RBM19: variants seen among roughly 807,000 people sequenced by gnomAD.
RBM19 encodes RNA binding motif protein 19.
In RBM19, 94 loss-of-function variants were observed where a neutral mutation model predicts 116.8. The ratio of observed to expected loss-of-function variants is 0.80; its 90% confidence interval spans 0.68 to 0.95. RBM19 has a LOEUF of 0.95. Among genes scored for constraint, RBM19 ranks in the 40% least tolerant of loss-of-function variants. The pLI is 0.00. For synonymous variants in RBM19, 475 were observed against 494.1 expected, an observed-to-expected ratio of 0.96 and a Z score of 0.51; for missense variants, 1,161 against 1,220.7, an observed-to-expected ratio of 0.95 and a Z score of 0.73.
intron 21 of RBM19, among the ~76,000 whole-genome samples, chr12:113,895,283 GGA>G (rs1186569137): frequency 1.3e-5 from 2 of 152,176 alleles, no homozygotes; most frequent in Non-Finnish European, 2.9e-5. Flanking sequence ...TGGTTGGGCG[GGA>G]GAGAGTGTGT....
chr12:113,918,343 C>T (rs760023925), intron 20 of RBM19, 49 bp downstream of exon 20: 1 of 1,602,942 alleles, frequency 6.2e-7, no homozygotes, highest in Non-Finnish European at 8.5e-7. Flanking sequence ...GCACCAAGCA[C>T]AGGAAGCCCC....
At chr12:113,830,747 A>AT (rs1481257038) in intron 23 of RBM19, among the ~76,000 whole-genome samples, 1 of 152,220 alleles carries the variant, frequency 6.6e-6, no homozygotes, top group Non-Finnish European at 1.5e-5. Context: ...GTGGGAAGGC[A>AT]TCCCCTACTC....
At position 113,955,166 on chromosome 12, in the gene RBM19, C is replaced by T. The variant is rs1409746316; in HGVS notation, c.886G>A (p.Val296Met). ...TTGAACGGGGCTCCCCGCAGCTTCA[C>T]GGTGTGGCAGGTGGTGGGTTCCTTC... ...NQKEPTTCHT[V>M]KLRGAPFNVT... The change falls in exon 7 of 24, where the codon GTG (valine) becomes ATG (methionine). Residue 296 changes from valine to methionine, a missense_variant. Val to Met is a conservative substitution (Grantham distance 21). Coordinates refer to ENST00000261741, the MANE Select transcript of RBM19 (RefSeq NM_016196.4). The T allele has an allele frequency of 1.1e-5, 18 of 1,614,054 alleles. No individual in the cohort carries two copies. The highest frequency in any genetic ancestry group is 5.0e-5 in the Admixed American group (3 of 60,008).
intron 13 of RBM19, among the ~76,000 whole-genome samples, chr12:113,945,558 G>A (rs1365494003): frequency 6.6e-6 from 1 of 152,212 alleles, no homozygotes; most frequent in Non-Finnish European, 1.5e-5. Context: ...CTAATTCTCA[G>A]GAATGTCACC....
At chr12:113,838,397 G>A (rs1321923389) in intron 23 of RBM19, among the ~76,000 whole-genome samples, 1 of 151,976 alleles carries the variant, frequency 6.6e-6, no homozygotes. Flanking sequence ...CAAACTCCAT[G>A]GGGAGAACAC....
At chr12:113,945,315 C>T (rs1405126437) in intron 13 of RBM19, among the ~76,000 whole-genome samples, 1 of 152,178 alleles carries the variant, frequency 6.6e-6, no homozygotes, top group Non-Finnish European at 1.5e-5. Context: ...CGGAACCCAG[C>T]GACCCCCTCC....
At chr12:113,907,551 G>T (rs1483381117) in intron 21 of RBM19, among the ~76,000 whole-genome samples, 3 of 152,230 alleles carry the variant, frequency 2.0e-5, no homozygotes. Flanking sequence ...AGGAAAACAG[G>T]GCAGAGTGGG....
chr12:113,879,405 T>C (rs1053894578), intron 21 of RBM19, among the ~76,000 whole-genome samples: 1 of 142,764 alleles, frequency 7.0e-6, no homozygotes, highest in Non-Finnish European at 1.5e-5. Flanking sequence ...CATACTCTTT[T>C]CTGTAAAAAT....
intron 21 of RBM19, among the ~76,000 whole-genome samples, chr12:113,889,811 G>A (rs1364881757): frequency 6.6e-6 from 1 of 151,794 alleles, no homozygotes; most frequent in Non-Finnish European, 1.5e-5. Context: ...CATGTGGAAC[G>A]ATTTATTTTA....
chr12:113,859,034 A>G (rs1487214279), intron 21 of RBM19, 138 bp from the exon 22 acceptor site: 1 of 728,260 alleles, frequency 1.4e-6, no homozygotes. Flanking sequence ...ACGCTCACAC[A>G]TGTCAGCTCA....
chr12:113,845,332 C>T (rs981414202), intron 22 of RBM19, among the ~76,000 whole-genome samples: 7 of 152,148 alleles, frequency 4.6e-5, no homozygotes, highest in Non-Finnish European at 8.8e-5. Flanking sequence ...TCCCAACTCC[C>T]GCTCCCAGCT....
chr12:113,923,321 C>T (rs1249245825), intron 18 of RBM19, among the ~76,000 whole-genome samples: 1 of 152,112 alleles, frequency 6.6e-6, no homozygotes, highest in Non-Finnish European at 1.5e-5. Flanking sequence ...AACAGACCTT[C>T]CCTCGCAGCC....
chr12:113,854,183 T>G (rs567067509), intron 22 of RBM19, among the ~76,000 whole-genome samples: 1 of 152,144 alleles, frequency 6.6e-6, no homozygotes, highest in East Asian at 1.9e-4. Context: ...TCAAATGGCC[T>G]CCTACCACCT....
intron 11 of RBM19, 151 bp from the exon 12 acceptor site, chr12:113,946,626 C>T: frequency 1.0e-6 from 1 of 954,684 alleles, no homozygotes; most frequent in African/African-American, 1.6e-5. Flanking sequence ...AGAACGTGGC[C>T]ACTCTCTTCC....
intron 21 of RBM19, among the ~76,000 whole-genome samples, chr12:113,882,289 C>T (rs952421868): frequency 6.6e-6 from 1 of 152,178 alleles, no homozygotes. Context: ...TCTCAACTGG[C>T]CATTGAGAGT....
chr12:113,919,016 A>C (rs1323930309), intron 19 of RBM19, among the ~76,000 whole-genome samples: 1 of 152,222 alleles, frequency 6.6e-6, no homozygotes, highest in Non-Finnish European at 1.5e-5. Context: ...ATAATACAGT[A>C]CACGTGCAAA....
chr12:113,906,632 G>A (rs933029109), intron 21 of RBM19, among the ~76,000 whole-genome samples: 11 of 152,098 alleles, frequency 7.2e-5, no homozygotes, highest in African/African-American at 2.7e-4. Context: ...CACGGGGCAA[G>A]GCTGGTCCTG....
chr12:113,824,103 G>A (rs899517921), intron 23 of RBM19, among the ~76,000 whole-genome samples: 11 of 152,162 alleles, frequency 7.2e-5, no homozygotes, highest in Non-Finnish European at 1.3e-4. Flanking sequence ...GGCATGGTGG[G>A]CTTAGCCCCA....
At chr12:113,940,308 G>C in intron 14 of RBM19, 148 bp from the exon 15 acceptor site, 1 of 785,470 alleles carries the variant, frequency 1.3e-6, no homozygotes, top group Non-Finnish European at 2.0e-6. Context: ...CAGGAGGAAC[G>C]ACCCTCTCTG....
Sources: allele counts gnomAD v4.1 joint callset (sites outside exome capture counted in the v4.1 genomes callset), GRCh38; gene constraint gnomAD v4.1.1; transcripts MANE v1.5; gene names NCBI Gene and HGNC (gene_info 2026-07-23, HGNC 2026-07-21).